Variants in CTNNA3 observed in about 807,000 individuals in gnomAD.
CTNNA3 encodes catenin alpha-3.
In CTNNA3, 76 loss-of-function variants were observed where a neutral mutation model predicts 95.7. The ratio of observed to expected loss-of-function variants is 0.79; its 90% CI spans 0.66 to 0.96. CTNNA3 has a LOEUF of 0.96. CTNNA3 is among the 40% of genes least tolerant of loss of function. The pLI, the probability that CTNNA3 is intolerant of heterozygous loss-of-function variation, is 0.00. For synonymous variants in CTNNA3, 431 were observed against 374.4 expected, an observed-to-expected ratio of 1.15 and a Z score of -1.74; for missense variants, 1,191 against 1,089.8, an observed-to-expected ratio of 1.09 and a Z score of -1.31.
At chr10:66,048,489 G>A (rs772841213) in intron 15 of CTNNA3, among the ~76,000 whole-genome samples, 7 of 152,052 alleles carry the variant, frequency 4.6e-5, no homozygotes, top group Non-Finnish European at 7.4e-5. Flanking sequence ...GGCTCAGCGC[G>A]GTGGCTCACG....
chr10:66,895,191 G>T (rs1845432426), intron 7 of CTNNA3, among the ~76,000 whole-genome samples: 1 of 151,930 alleles, frequency 6.6e-6, no homozygotes, highest in Non-Finnish European at 1.5e-5. Flanking sequence ...AGTGACCTCT[G>T]GTTACATTGG....
At chr10:67,124,904 C>T (rs1440755749) in intron 7 of CTNNA3, among the ~76,000 whole-genome samples, 1 of 152,092 alleles carries the variant, frequency 6.6e-6, no homozygotes, top group Non-Finnish European at 1.5e-5. Context: ...GCATTCATGG[C>T]TAAAGGGGCA....
At chr10:67,708,536 G>A (rs1381040600) in intron 1 of CTNNA3, among the ~76,000 whole-genome samples, 1 of 152,030 alleles carries the variant, frequency 6.6e-6, no homozygotes, top group Non-Finnish European at 1.5e-5. Context: ...TTTGAACAGG[G>A]CTTTATTATA....
At chr10:67,447,576 C>T (rs1846803176) in intron 5 of CTNNA3, among the ~76,000 whole-genome samples, 1 of 152,164 alleles carries the variant, frequency 6.6e-6, no homozygotes, top group African/African-American at 2.4e-5. Flanking sequence ...CCACCACTAC[C>T]ACCCATATCT....
chr10:66,115,083 C>T (rs2082272687), intron 13 of CTNNA3, among the ~76,000 whole-genome samples: 1 of 152,036 alleles, frequency 6.6e-6, no homozygotes, highest in Admixed American at 6.5e-5. Flanking sequence ...TAAGGTTGAA[C>T]GTACCATTTC....
rs1214534510 is a variant in CTNNA3, at chr10:67,232,513, A to G, written c.580-12643T>C. ...CCCTAAAAGAGCTCCTGAAGGAAGC[A>G]CTAAACATGGAAGGAACAACTGGTA... On this transcript the variant is annotated intron_variant, in intron 5 of 17. Transcript: ENST00000433211. Among the ~76,000 whole-genome samples the G allele has an allele frequency of 5.9e-5, 9 of 152,306 alleles. No individual in the cohort carries two copies. The South Asian group carries it at 1.0e-3, about 18-fold the overall frequency.
chr10:66,031,585 A>G (rs2079450110), intron 15 of CTNNA3, among the ~76,000 whole-genome samples: 1 of 152,110 alleles, frequency 6.6e-6, no homozygotes, highest in Admixed American at 6.6e-5. Context: ...GAGGGAGTAA[A>G]GGGTTGAAAA....
intron 7 of CTNNA3, among the ~76,000 whole-genome samples, chr10:66,939,121 A>G (rs1847870877): frequency 6.6e-6 from 1 of 152,016 alleles, no homozygotes; most frequent in South Asian, 2.1e-4. Context: ...CAAAGTAACT[A>G]CTCTACTGGA....
At position 67,717,288 on chromosome 10, in the gene CTNNA3, G is replaced by T. The variant is rs1372771518; in HGVS notation, c.-2+46146C>A. Among the ~76,000 whole-genome samples, 3 of 152,140 alleles carry T rather than the reference G, an allele frequency of 2.0e-5. No individual in the cohort carries two copies. The East Asian group carries it at 5.8e-4, about 29-fold the overall frequency. ...AGGTTGCCTCTTCCCTCTGAAGATA[G>T]TTTCTTTTGCTGTGCAGAAGCTCTT... On this transcript the variant is annotated intron_variant, in intron 1 of 17. Coordinates refer to the CTNNA3 transcript ENST00000684154.
chr10:67,348,585 T>C (rs966118846), intron 5 of CTNNA3, among the ~76,000 whole-genome samples: 3 of 151,968 alleles, frequency 2.0e-5, no homozygotes, highest in Non-Finnish European at 2.9e-5. Flanking sequence ...GCGTTTCACA[T>C]GATAAGAGAG....
intron 5 of CTNNA3, among the ~76,000 whole-genome samples, chr10:67,284,567 T>C (rs1839520646): frequency 6.6e-6 from 1 of 152,218 alleles, no homozygotes; most frequent in Non-Finnish European, 1.5e-5. Context: ...ATGGCAAATG[T>C]ACCCTTTGGG....
intron 9 of CTNNA3, among the ~76,000 whole-genome samples, chr10:66,725,745 T>G (rs897598620): frequency 6.6e-6 from 1 of 152,094 alleles, no homozygotes; most frequent in Non-Finnish European, 1.5e-5. Context: ...TTTGGATGCA[T>G]GAAGCAATGG....
intron 15 of CTNNA3, among the ~76,000 whole-genome samples, chr10:65,990,391 GT>G (rs200243700): frequency 0.037 from 5,210 of 139,770 alleles, 103 homozygotes; most frequent in Middle Eastern, 0.1. Context: ...GCCAGCATCT[GT>G]TTTTTTTTTT....
intron 5 of CTNNA3, among the ~76,000 whole-genome samples, chr10:67,516,853 T>C (rs1839833357): frequency 6.6e-6 from 1 of 152,214 alleles, no homozygotes; most frequent in African/African-American, 2.4e-5. Flanking sequence ...GACCATACAG[T>C]ATGTGTATTT....
chr10:66,832,884 A>T (rs563249230), intron 7 of CTNNA3, among the ~76,000 whole-genome samples: 1 of 152,248 alleles, frequency 6.6e-6, no homozygotes, highest in South Asian at 2.1e-4. Context: ...GGAAGCAGCC[A>T]TATTTTTCTA....
At chr10:67,641,855 C>T (rs944771379) in intron 2 of CTNNA3, among the ~76,000 whole-genome samples, 6 of 151,912 alleles carry the variant, frequency 3.9e-5, no homozygotes, top group African/African-American at 7.2e-5. Context: ...CTGGGCCTGT[C>T]GTGGGGTAGC....
chr10:66,847,273 C>T (rs1843314631), intron 7 of CTNNA3, among the ~76,000 whole-genome samples: 1 of 152,172 alleles, frequency 6.6e-6, no homozygotes, highest in Admixed American at 6.5e-5. Flanking sequence ...TGAACTTACT[C>T]TGCCACATTG....
At chr10:67,544,451 A>T (rs1840779439) in intron 3 of CTNNA3, among the ~76,000 whole-genome samples, 1 of 152,168 alleles carries the variant, frequency 6.6e-6, no homozygotes, top group Admixed American at 6.5e-5. Flanking sequence ...AGAGCCTGGC[A>T]AACTCTCTGA....
intron 9 of CTNNA3, among the ~76,000 whole-genome samples, chr10:66,734,003 C>G (rs1008722345): frequency 6.6e-6 from 1 of 151,644 alleles, no homozygotes; most frequent in African/African-American, 2.4e-5. Context: ...ACATGTTTTA[C>G]CAAAAAGTAC....
Sources: allele counts gnomAD v4.1 joint callset (sites outside exome capture counted in the v4.1 genomes callset), GRCh38; gene constraint gnomAD v4.1.1; transcripts MANE v1.5; gene names NCBI Gene and HGNC (gene_info 2026-07-23, HGNC 2026-07-21).